The following KCTD1 variants were observed in gnomAD, a reference collection of about 807,000 sequenced individuals.
KCTD1 encodes BTB/POZ domain-containing protein KCTD1.
KCTD1 carries 24 observed loss-of-function variants against 66.0 expected under a neutral mutation model. The observed-to-expected ratio is 0.36, with a 90% CI of 0.26 to 0.51. The LOEUF (loss-of-function observed/expected upper bound fraction) is 0.51, where lower values mean the gene tolerates loss of function less well. Ranked by LOEUF, KCTD1 falls within the 20% of genes least tolerant of loss-of-function variation. The probability of loss-of-function intolerance (pLI) is 0.95; values close to 1 mark genes in which losing one functional copy is unlikely to be tolerated. For synonymous variants in KCTD1, 511 were observed against 517.2 expected, an observed-to-expected ratio of 0.99 and a Z score of 0.16; for missense variants, 943 against 1,205.2, an observed-to-expected ratio of 0.78 and a Z score of 3.22.
At chr18:26,530,742 A>G (rs984715005) in intron 1 of KCTD1, among the ~76,000 whole-genome samples, 2 of 152,246 alleles carry the variant, frequency 1.3e-5, no homozygotes, top group African/African-American at 2.4e-5. Context: ...AGAGAACAGC[A>G]CAGTGCCAGG....
chr18:26,629,972 A>G (rs1172210193), upstream of KCTD1, among the ~76,000 whole-genome samples: 1 of 152,176 alleles, frequency 6.6e-6, no homozygotes, highest in East Asian at 1.9e-4. Context: ...AGGAACAAGA[A>G]AGAAGCCTCG....
chr18:26,599,529 G>T (rs749193496), intron 1 of KCTD1: 16 of 1,554,034 alleles, frequency 1.0e-5, no homozygotes, highest in African/African-American at 1.4e-5. Context: ...GAGGGCCGTG[G>T]GTCTGTGGAA....
chr18:26,561,866 G>A (rs1203891780), intron 1 of KCTD1, among the ~76,000 whole-genome samples: 9 of 152,216 alleles, frequency 5.9e-5, no homozygotes, highest in Admixed American at 2.0e-4. Context: ...GCCCAGTCCC[G>A]TGCTGGCGTG....
intron 1 of KCTD1, among the ~76,000 whole-genome samples, chr18:26,619,871 T>A (rs564734657): frequency 2.0e-5 from 3 of 152,286 alleles, no homozygotes; most frequent in African/African-American, 7.2e-5. Flanking sequence ...TCCTATTATG[T>A]GAGATGACAA....
intron 1 of KCTD1, among the ~76,000 whole-genome samples, chr18:26,655,198 TAAAA>T (rs1449538345): frequency 1.3e-5 from 2 of 152,182 alleles, no homozygotes; most frequent in Non-Finnish European, 2.9e-5. Flanking sequence ...AATGTTTCTC[TAAAA>T]AAACGCACAC....
chr18:26,461,629 A>G (rs1194808971), intron 3 of KCTD1, among the ~76,000 whole-genome samples: 1 of 152,066 alleles, frequency 6.6e-6, no homozygotes, highest in Non-Finnish European at 1.5e-5. Flanking sequence ...TGGGATCCCC[A>G]CTCTGGGGCT....
At chr18:26,558,281 T>C (rs1598940616) in intron 1 of KCTD1, among the ~76,000 whole-genome samples, 1 of 152,172 alleles carries the variant, frequency 6.6e-6, no homozygotes, top group Non-Finnish European at 1.5e-5. Context: ...TTAAAATGGC[T>C]TACACCCAAA....
intron 1 of KCTD1, among the ~76,000 whole-genome samples, chr18:26,646,389 C>A (rs1364188673): frequency 6.6e-6 from 1 of 152,100 alleles, no homozygotes; most frequent in Non-Finnish European, 1.5e-5. Context: ...AAAAAGTAGA[C>A]AACAGTAAAA....
intron 1 of KCTD1, among the ~76,000 whole-genome samples, chr18:26,525,650 A>G (rs1409694363): frequency 1.3e-5 from 2 of 152,140 alleles, no homozygotes; most frequent in Non-Finnish European, 2.9e-5. Flanking sequence ...ACCAACTGTC[A>G]TGTCCCCTTG....
At chr18:26,552,114 CTT>C (rs531123771), upstream of KCTD1, among the ~76,000 whole-genome samples, 127 of 152,274 alleles carry the variant, frequency 8.3e-4, 1 homozygote, top group African/African-American at 2.9e-3. Flanking sequence ...TGGGGGGTCT[CTT>C]TGTATATTTG....
At chr18:26,564,575 G>A (rs1016388832) in intron 1 of KCTD1, among the ~76,000 whole-genome samples, 1 of 152,038 alleles carries the variant, frequency 6.6e-6, no homozygotes. Flanking sequence ...CAAGGCTGCC[G>A]TGTGTGTATG....
At chr18:26,523,238 C>T (rs1984000461) in intron 1 of KCTD1, among the ~76,000 whole-genome samples, 2 of 152,074 alleles carry the variant, frequency 1.3e-5, no homozygotes, top group African/African-American at 2.4e-5. Context: ...TCCAAGAGGA[C>T]GGCACTGTTT....
chr18:26,560,924 G>A (rs1268851579), intron 1 of KCTD1, among the ~76,000 whole-genome samples: 1 of 152,142 alleles, frequency 6.6e-6, no homozygotes. Context: ...TTCTAGAAAT[G>A]GGCTGCACAC....
At chr18:26,473,455 C>T (rs1231837030) in intron 3 of KCTD1, among the ~76,000 whole-genome samples, 2 of 151,996 alleles carry the variant, frequency 1.3e-5, no homozygotes, top group African/African-American at 4.8e-5. Flanking sequence ...CTAATGCATG[C>T]AAGGCTTAAT....
At chr18:26,486,007 G>A (rs1363331955) in intron 2 of KCTD1, among the ~76,000 whole-genome samples, 2 of 147,080 alleles carry the variant, frequency 1.4e-5, no homozygotes, top group South Asian at 2.2e-4. Flanking sequence ...TCCACCTCCC[G>A]GGTTCAAGCG....
Position 26,476,840 on chromosome 18 carries a change from A to C in KCTD1, c.1989-181T>G. 1 of 576,830 alleles carries C rather than the reference A, an allele frequency of 1.7e-6. No individual in the cohort carries two copies. Among genetic ancestry groups the C allele is most frequent in the Non-Finnish European group, 3.0e-6 (1 of 331,460 alleles). 35.7% of individuals were successfully genotyped at this position (576,830 alleles called of 1,614,324 possible). On this transcript the variant is annotated intron_variant, in intron 2 of 4. Coordinates refer to ENST00000580059, the MANE Select transcript of KCTD1 (RefSeq NM_001142730.3). The surrounding 1 kb of genome is among the most constrained non-coding windows in gnomAD (Gnocchi z 4.9). Reference sequence around the variant, plus strand: ...AAATATCTCAGGACGAGACCATTCAAAATAGTCCTAGGCTTTGTCAAATGA... The same window carrying C: ...AAATATCTCAGGACGAGACCATTCACAATAGTCCTAGGCTTTGTCAAATGA...
In KCTD1 at chr18:26,476,421, T is replaced by G. The variant is rs1981348758; in HGVS notation, c.2133+94A>C. ...AGAACTCTGGCACCTTTCGAGTTGGTGTATGTTAATAATGTAGAACTAGAA... is the reference window on the plus strand; with the variant it reads ...AGAACTCTGGCACCTTTCGAGTTGGGGTATGTTAATAATGTAGAACTAGAA... On this transcript the variant is annotated intron_variant, in intron 3 of 4. Transcript: ENST00000580059. This position sits in a 1 kb window ranked among gnomAD's most constrained non-coding sequence, Gnocchi z 4.9. The G allele has an allele frequency of 1.2e-5, 14 of 1,182,776 alleles. No homozygotes were observed. The highest frequency in any genetic ancestry group is 1.6e-5 in the Non-Finnish European group (14 of 851,730). 73.3% of individuals were successfully genotyped at this position (1,182,776 alleles called of 1,614,324 possible).
chr18:26,525,699 A>G (rs987685465), intron 1 of KCTD1, among the ~76,000 whole-genome samples: 3 of 152,132 alleles, frequency 2.0e-5, no homozygotes, highest in Admixed American at 2.0e-4. Context: ...TTACTACTAT[A>G]TAATATTTCC....
At chr18:26,620,170 A>C (rs980707936) in intron 1 of KCTD1, among the ~76,000 whole-genome samples, 1 of 151,982 alleles carries the variant, frequency 6.6e-6, no homozygotes, top group Non-Finnish European at 1.5e-5. Context: ...CAATGTAGAC[A>C]CTAAGATTCT....
Sources: gnomAD v4.1 joint callset for allele counts (sites outside exome capture counted in the v4.1 genomes callset) on GRCh38, gnomAD v4.1.1 for gene constraint, Gnocchi (gnomAD v3.1) non-coding constraint, MANE v1.5 for transcripts, NCBI Gene and HGNC (gene_info 2026-07-23, HGNC 2026-07-21) for gene names.